AEBP2: variants seen among roughly 807,000 people sequenced by gnomAD.
AEBP2 encodes AE binding protein 2.
AEBP2 carries 10 observed loss-of-function variants against 50.8 expected under a neutral mutation model. The ratio of observed to expected loss-of-function variants is 0.20; its 90% confidence interval spans 0.12 to 0.33. The LOEUF (loss-of-function observed/expected upper bound fraction) is 0.33, where lower values mean the gene tolerates loss of function less well. Among genes scored for constraint, AEBP2 ranks in the 10% least tolerant of loss-of-function variants. The pLI is 1.00. For synonymous variants in AEBP2, 296 were observed against 261.3 expected (o/e 1.13, Z -1.28); for missense variants, 570 against 688.0 (o/e 0.83, Z 1.92).
intron 1 of AEBP2, among the ~76,000 whole-genome samples, chr12:19,449,527 A>G (rs555357552): frequency 8.5e-5 from 13 of 152,366 alleles, no homozygotes; most frequent in Non-Finnish European, 1.5e-4. Context: ...CTTGTTTTCC[A>G]TAGACTATAT....
At chr12:19,421,344 C>CAAAAA (rs375160231) in intron 1 of AEBP2, among the ~76,000 whole-genome samples, 3 of 82,414 alleles carry the variant, frequency 3.6e-5, no homozygotes, top group East Asian at 3.5e-4. Flanking sequence ...GACTCTGTCT[C>CAAAAA]AAAAAAAAAA....
chr12:19,501,794 TTTG>T (rs1246693068), intron 5 of AEBP2, among the ~76,000 whole-genome samples: 3 of 95,532 alleles, frequency 3.1e-5, no homozygotes, highest in African/African-American at 1.3e-4. Flanking sequence ...TAAAAATGAG[TTTG>T]TTTTTTTTTT....
chr12:19,440,099 A>C lies in AEBP2; in HGVS notation c.400A>C (p.Ser134Arg). The change falls in exon 1 of 8, where the codon AGC becomes CGC. Residue 134 changes from serine (S) to arginine (R), a missense_variant. Transcript: ENST00000266508. ...GGTGGGCAGCAGCGGCGGGAGCAGC[A>C]GCGACGAGACCCGCTCGTTGAGCCC... Reference protein sequence around the residue: ...SLVGSSGGSSSDETRSLSPGA... With the variant: ...SLVGSSGGSSRDETRSLSPGA... The C allele has an allele frequency of 6.6e-7, 1 of 1,507,800 alleles. No homozygotes were observed. Among genetic ancestry groups the C allele is most frequent in the Non-Finnish European group, 8.8e-7 (1 of 1,134,590 alleles). The allele number at this position is 1,507,800 out of a possible 1,614,324, so 93.4% of individuals were successfully genotyped here. A position where few individuals can be genotyped will look rare whatever the true frequency, so the allele number is the denominator to read the frequency against.
chr12:19,430,116 C>T (rs1243071526), intron 1 of AEBP2, among the ~76,000 whole-genome samples: 2 of 152,232 alleles, frequency 1.3e-5, no homozygotes, highest in South Asian at 2.1e-4. Context: ...TTAGGTCTAA[C>T]ATTTAAGTCT....
Position 19,518,067 on chromosome 12 carries a change from TTCTTTTTC to T in AEBP2, c.1482-10_1482-3del. The stretch of plus-strand genomic sequence containing the variant: ...GTTTGATTCAGTTGAATAAAAGGAT[TTCTTTTTC>T]TCTTTTTCTAGAACAATGCCGCAGA... On this transcript the variant is annotated splice_polypyrimidine_tract_variant and intron_variant, in intron 7 of 7. Coordinates refer to ENST00000266508, the MANE Select transcript of AEBP2 (RefSeq NM_153207.5). 6.3e-7 allele frequency: 1 copy of T among 1,590,678 alleles called. No individual in the cohort carries two copies. The highest frequency in any genetic ancestry group is 8.6e-7 in the Non-Finnish European group (1 of 1,168,230).
In AEBP2 at chr12:19,512,387, G is replaced by A. The variant is rs753358142; in HGVS notation, c.1300-11G>A. The A allele has an allele frequency of 2.6e-6, 4 of 1,513,150 alleles. No homozygotes were observed. Among genetic ancestry groups the A allele is most frequent in the South Asian group, 2.5e-5 (2 of 79,462 alleles). 93.7% of individuals were successfully genotyped at this position (1,513,150 alleles called of 1,614,324 possible). ...CATTGTTTTTATGATTTCTTTTCAT[G>A]TCATTATCAGGTAATAGCTAAGAGA... On this transcript the variant is annotated splice_polypyrimidine_tract_variant and intron_variant, in intron 5 of 7. Transcript: ENST00000266508.
At chr12:19,485,720 A>AG (rs1592758900) in intron 3 of AEBP2, among the ~76,000 whole-genome samples, 1 of 151,042 alleles carries the variant, frequency 6.6e-6, no homozygotes. Flanking sequence ...AAAAAAAAAA[A>AG]AAAAGAAAAG....
intron 2 of AEBP2, 65 bp downstream of exon 2, chr12:19,462,782 A>G: frequency 7.0e-7 from 1 of 1,420,754 alleles, no homozygotes; most frequent in Non-Finnish European, 9.5e-7. Context: ...TATAATTGCT[A>G]GTTAGGCTTT....
intron 1 of AEBP2, among the ~76,000 whole-genome samples, chr12:19,434,374 T>A (rs1374988273): frequency 6.6e-6 from 1 of 151,944 alleles, no homozygotes; most frequent in African/African-American, 2.4e-5. Flanking sequence ...GGTTTCTCCA[T>A]GTTGGTCAGG....
At chr12:19,488,233 C>G (rs958942489) in intron 3 of AEBP2, among the ~76,000 whole-genome samples, 2 of 151,382 alleles carry the variant, frequency 1.3e-5, no homozygotes, top group Non-Finnish European at 2.9e-5. Context: ...AGGTGGTCCT[C>G]CCACCTCAGC....
In AEBP2 at chr12:19,518,188, G is replaced by A; in HGVS notation, c.*71G>A. ...GTCTTAGTCACTGACAATGGGTTTA[G>A]GGAAAGTTGCACATTAGAGTCAACC... On this transcript the variant is annotated 3_prime_UTR_variant, in exon 8 of 8. Coordinates refer to ENST00000266508, the MANE Select transcript of AEBP2 (RefSeq NM_153207.5). The A allele has an allele frequency of 2.1e-6, 3 of 1,455,704 alleles. No individual in the cohort carries two copies. The highest frequency in any genetic ancestry group is 2.6e-5 in the East Asian group (1 of 38,660). The allele number at this position is 1,455,704 out of a possible 1,614,324, so 90.2% of individuals were successfully genotyped here.
chr12:19,520,582 C>T lies in AEBP2; in HGVS notation c.*2465C>T, dbSNP rs1433273768. ...TTTTCATTTATTAATGTCTGCCCAT[C>T]TGTATTGTTGCTCCTACCTTCAAAT... On this transcript the variant is annotated 3_prime_UTR_variant, in exon 8 of 8. Transcript: ENST00000266508. 1 of 152,124 alleles carries T rather than the reference C, an allele frequency of 6.6e-6. No homozygotes were observed. Among genetic ancestry groups the T allele is most frequent in the Non-Finnish European group, 1.5e-5 (1 of 68,012 alleles). The allele number at this position is 152,124 out of a possible 1,614,324, so 9.4% of individuals were successfully genotyped here. A position where few individuals can be genotyped will look rare whatever the true frequency, so the allele number is the denominator to read the frequency against.
chr12:19,516,712 A>G (rs1439511404), intron 7 of AEBP2, among the ~76,000 whole-genome samples: 2 of 152,192 alleles, frequency 1.3e-5, no homozygotes, highest in East Asian at 3.9e-4. Context: ...CTGTAGATTT[A>G]ATTTTCCTTA....
intron 1 of AEBP2, among the ~76,000 whole-genome samples, chr12:19,430,095 T>G (rs1301250023): frequency 6.6e-6 from 1 of 152,098 alleles, no homozygotes; most frequent in African/African-American, 2.4e-5. Flanking sequence ...TCTTCTAGGG[T>G]TTTTATGGTT....
chr12:19,479,102 G>A (rs1005262896), intron 3 of AEBP2, among the ~76,000 whole-genome samples: 10 of 152,114 alleles, frequency 6.6e-5, no homozygotes, highest in Non-Finnish European at 1.0e-4. Flanking sequence ...CTAGCTATGC[G>A]GGAGGCTGAA....
At chr12:19,469,330 C>T (rs1645168503) in intron 2 of AEBP2, among the ~76,000 whole-genome samples, 1 of 152,148 alleles carries the variant, frequency 6.6e-6, no homozygotes, top group Admixed American at 6.5e-5. Context: ...CCTTCAGTGT[C>T]TAATATAAAC....
intron 7 of AEBP2, among the ~76,000 whole-genome samples, chr12:19,515,892 GAGTTCGAGACC>G: frequency 6.6e-6 from 1 of 152,232 alleles, no homozygotes. Context: ...TGAAGTCTAG[GAGTTCGAGACC>G]AGCCTCGGCA....
intron 5 of AEBP2, among the ~76,000 whole-genome samples, chr12:19,507,499 G>T (rs1949168620): frequency 1.3e-5 from 2 of 152,184 alleles, no homozygotes; most frequent in Non-Finnish European, 2.9e-5. Flanking sequence ...AAGCTTTTGA[G>T]CTATGGAAAA....
intron 1 of AEBP2, among the ~76,000 whole-genome samples, chr12:19,455,999 T>G (rs1948263458): frequency 6.6e-6 from 1 of 152,100 alleles, no homozygotes; most frequent in Non-Finnish European, 1.5e-5. Context: ...CCTTGACAAA[T>G]TTTTAGTCAA....
Sources: gnomAD v4.1 joint callset for allele counts (sites outside exome capture counted in the v4.1 genomes callset) on GRCh38, gnomAD v4.1.1 for gene constraint, MANE v1.5 for transcripts, NCBI Gene and HGNC (gene_info 2026-07-23, HGNC 2026-07-21) for gene names.